TLE1: variants seen among roughly 807,000 people sequenced by gnomAD.
TLE1 encodes the protein transducin-like enhancer protein 1.
In TLE1, 21 loss-of-function variants were observed where a neutral mutation model predicts 89.8. The observed-to-expected ratio is 0.23, with a 90% CI of 0.17 to 0.34. TLE1 has a LOEUF of 0.34. Among genes scored for constraint, TLE1 ranks in the 10% least tolerant of loss-of-function variants. TLE1 has a pLI of 1.00. For missense variants in TLE1, 795 were observed against 1,031.2 expected (o/e 0.77, Z 3.14); for synonymous variants, 447 against 407.6 (o/e 1.10, Z -1.16).
chr9:81,616,632 A>G lies in TLE1; in HGVS notation c.765+14T>C, dbSNP rs761304901. 6.2e-7 allele frequency: 1 copy of G among 1,613,456 alleles called. No homozygotes were observed. Among genetic ancestry groups the G allele is most frequent in the Non-Finnish European group, 8.5e-7 (1 of 1,179,682 alleles). On this transcript the variant is annotated intron_variant, in intron 10 of 19. Coordinates refer to ENST00000376499, the MANE Select transcript of TLE1 (RefSeq NM_005077.5). Reference sequence around the variant, plus strand: ...ATCATTCTGAAGACAAACTTTGATGAAAAGAATGGTTACCTCATTAGACAC... The same window carrying G: ...ATCATTCTGAAGACAAACTTTGATGGAAAGAATGGTTACCTCATTAGACAC...
chr9:81,672,169 G>A (rs977431558), intron 4 of TLE1, among the ~76,000 whole-genome samples: 3 of 152,036 alleles, frequency 2.0e-5, no homozygotes, highest in African/African-American at 7.2e-5. Flanking sequence ...AGCAGGTACT[G>A]GCACAACTTG....
Position 81,610,284 on chromosome 9 carries a change from G to A in TLE1, c.1267C>T (p.Pro423Ser), listed in dbSNP as rs927120529. ...GTAGGTACTCTCATGTGAGGGGGAG[G>A]ATCAAACCCCACCTGGAAACAAAAA... is the stretch of plus-strand genomic sequence containing the variant. Reference protein sequence around the residue: ...YGRSPMVGFDPPPHMRVPTIP... With the variant: ...YGRSPMVGFDSPPHMRVPTIP... Residue 423 changes from proline to serine, a missense_variant, in exon 14 of 20, where the codon CCT (proline) becomes TCT (serine). Coordinates refer to ENST00000376499, the MANE Select transcript of TLE1 (RefSeq NM_005077.5). 3 of 1,613,832 alleles carry A rather than the reference G, an allele frequency of 1.9e-6. No homozygotes were observed. In the South Asian group the frequency reaches 3.3e-5, roughly 18 times the overall value.
chr9:81,637,747 T>C (rs1827584662), intron 6 of TLE1, among the ~76,000 whole-genome samples: 1 of 150,750 alleles, frequency 6.6e-6, no homozygotes, highest in African/African-American at 2.4e-5. Context: ...TTCTAGGAAA[T>C]GTGGCCATTC....
chr9:81,657,900 C>A (rs1347192484), intron 4 of TLE1, among the ~76,000 whole-genome samples: 23 of 142,608 alleles, frequency 1.6e-4, no homozygotes, highest in East Asian at 4.1e-4. Context: ...TCACTACAGA[C>A]ATAATTTTTT....
At chr9:81,629,946 G>A (rs1232701025) in intron 8 of TLE1, among the ~76,000 whole-genome samples, 6 of 152,176 alleles carry the variant, frequency 3.9e-5, no homozygotes, top group African/African-American at 1.4e-4. Context: ...AGGCTCATTT[G>A]TTTTCCTACC....
intron 4 of TLE1, among the ~76,000 whole-genome samples, chr9:81,680,328 G>C (rs1216039655): frequency 2.0e-5 from 3 of 152,196 alleles, no homozygotes; most frequent in Admixed American, 6.5e-5. Context: ...GGCAGAAAGA[G>C]GGGGAGGCAA....
chr9:81,634,923 C>CT (rs1827181218), intron 6 of TLE1, among the ~76,000 whole-genome samples: 1 of 152,194 alleles, frequency 6.6e-6, no homozygotes, highest in African/African-American at 2.4e-5. Flanking sequence ...ACCCAGTAAT[C>CT]TGGGTGGGTG....
chr9:81,663,004 C>A (rs1469190204), intron 4 of TLE1, among the ~76,000 whole-genome samples: 1 of 151,940 alleles, frequency 6.6e-6, no homozygotes, highest in African/African-American at 2.4e-5. Flanking sequence ...TGCACCACCA[C>A]GTGCAGCTAA....
chr9:81,685,715 A>G lies in TLE1; in HGVS notation c.195T>C (p.Tyr65=), dbSNP rs531243540. 6.2e-6 allele frequency: 10 copies of G among 1,613,684 alleles called. No individual in the cohort carries two copies. Among genetic ancestry groups the G allele is most frequent in the East Asian group, 2.2e-5 (1 of 44,854 alleles). The change falls in exon 4 of 20, where the codon TAT becomes TAC. Residue 65 remains tyrosine, a synonymous_variant. Coordinates refer to ENST00000376499, the MANE Select transcript of TLE1 (RefSeq NM_005077.5). ...CAATGTTTAATCCATATGACATTTC[A>G]TAATACTGTAAAGAGAAAAAAGAAT... The part of the protein sequence containing the change: ...TEMQRHYVMY[Y]EMSYGLNIEM...
At chr9:81,629,468 C>T (rs1826305854) in intron 8 of TLE1, among the ~76,000 whole-genome samples, 1 of 152,104 alleles carries the variant, frequency 6.6e-6, no homozygotes, top group East Asian at 1.9e-4. Flanking sequence ...TAAACCAAAG[C>T]CAAACCTCTA....
In TLE1 at chr9:81,656,520, A is replaced by T. The variant is rs539991094; in HGVS notation, c.235-2484T>A. On this transcript the variant is annotated intron_variant, in intron 4 of 19. Coordinates refer to ENST00000376499, the MANE Select transcript of TLE1 (RefSeq NM_005077.5). Reference sequence around the variant, plus strand: ...CAGAAATATAAAAGAAAGTTAAAATAACCCTGAGCCCATCATCCAAGGATA... The same window carrying T: ...CAGAAATATAAAAGAAAGTTAAAATTACCCTGAGCCCATCATCCAAGGATA... Among the ~76,000 whole-genome samples the T allele has an allele frequency of 3.9e-5, 6 of 152,362 alleles. 1 individual carries two copies. In the South Asian group the frequency reaches 1.2e-3, roughly 32 times the overall value.
chr9:81,599,399 T>C (rs186608027), intron 14 of TLE1, among the ~76,000 whole-genome samples: 3 of 152,212 alleles, frequency 2.0e-5, no homozygotes, highest in African/African-American at 4.8e-5. Context: ...CAAAGACACC[T>C]ACCCCACACA....
chr9:81,679,195 A>G (rs1264579672), intron 4 of TLE1, among the ~76,000 whole-genome samples: 2 of 152,176 alleles, frequency 1.3e-5, no homozygotes, highest in East Asian at 1.9e-4. Context: ...ATTTTGCTAA[A>G]TCACAGGTTA....
intron 4 of TLE1, among the ~76,000 whole-genome samples, chr9:81,669,165 C>T (rs1831883732): frequency 6.6e-6 from 1 of 152,170 alleles, no homozygotes; most frequent in Non-Finnish European, 1.5e-5. Context: ...AGTAATCCAC[C>T]AGGGAATAAA....
At chr9:81,679,690 T>C (rs564189215) in intron 4 of TLE1, among the ~76,000 whole-genome samples, 2 of 152,218 alleles carry the variant, frequency 1.3e-5, no homozygotes, top group African/African-American at 2.4e-5. Context: ...AAAACCACTA[T>C]ACTAAATACC....
chr9:81,606,709 G>A (rs1301430236), intron 14 of TLE1, among the ~76,000 whole-genome samples: 1 of 151,570 alleles, frequency 6.6e-6, no homozygotes, highest in Non-Finnish European at 1.5e-5. Flanking sequence ...AAACCAACAT[G>A]GCACATGTAT....
At chr9:81,656,849 C>T (rs751788463) in intron 4 of TLE1, among the ~76,000 whole-genome samples, 14 of 152,226 alleles carry the variant, frequency 9.2e-5, no homozygotes, top group Non-Finnish European at 2.1e-4. Context: ...CGCCTCCACA[C>T]AGATCTCTAA....
In TLE1 at chr9:81,634,132, T is replaced by G; in HGVS notation, c.542A>C (p.Asp181Ala). 6.2e-7 allele frequency: 1 copy of G among 1,609,042 alleles called. No homozygotes were observed. The highest frequency in any genetic ancestry group is 8.5e-7 in the Non-Finnish European group (1 of 1,177,344). The change falls in exon 7 of 20, where the codon GAT becomes GCT. Residue 181 changes from aspartate (D) to alanine (A), a missense_variant. Asp to Ala is a moderately radical substitution (Grantham distance 126). This residue lies in a region of TLE1 where 468 missense variants were observed against 509.1 expected (regional missense o/e 0.92). Coordinates refer to ENST00000376499, the MANE Select transcript of TLE1 (RefSeq NM_005077.5). ...LSGQSHLAIK[D>A]DKKHHDAEHH... ...CTCTGCATCGTGGTGCTTCTTGTCA[T>G]CTTTTATTGCCAAGTGAGACTGCCC... is the stretch of plus-strand genomic sequence containing the variant.
rs1239355474 is a variant in TLE1, at chr9:81,689,506, C to G, written c.-1266G>C. ...TGCTGCTGCTTCTGCAGCCGCCGCT[C>G]CCACCGCCGCCGCCGCCCGCGCCTC... On this transcript the variant is annotated 5_prime_UTR_variant, in exon 1 of 20. Transcript: ENST00000376499. Among the ~76,000 whole-genome samples the G allele has an allele frequency of 6.6e-6, 1 of 152,110 alleles. No homozygotes were observed. The highest frequency in any genetic ancestry group is 1.9e-4 in the East Asian group (1 of 5,136).
Sources: gnomAD v4.1 joint callset for allele counts (sites outside exome capture counted in the v4.1 genomes callset) on GRCh38, gnomAD v4.1.1 for gene constraint, gnomAD v4.1.1 regional missense constraint, MANE v1.5 for transcripts, NCBI Gene and HGNC (gene_info 2026-07-23, HGNC 2026-07-21) for gene names.